SEC14L5: variants seen among roughly 807,000 people sequenced by gnomAD.
The protein encoded by SEC14L5 is SEC14-like protein 5.
A neutral mutation model predicts 84.6 loss-of-function variants in SEC14L5; 96 were observed. The ratio of observed to expected loss-of-function variants is 1.13; its 90% CI spans 0.96 to 1.34. The LOEUF (loss-of-function observed/expected upper bound fraction) is 1.34. Ranked by LOEUF, SEC14L5 falls within the 40% of genes most tolerant of loss-of-function variation. The probability of loss-of-function intolerance (pLI) is 0.00; values close to 1 mark genes in which losing one functional copy is unlikely to be tolerated. For missense variants in SEC14L5, 1,224 were observed against 942.5 expected (o/e 1.30, Z -3.91); for synonymous variants, 546 against 383.4 (o/e 1.42, Z -4.95).
intron 6 of SEC14L5, among the ~76,000 whole-genome samples, chr16:4,996,001 G>C (rs1955604551): frequency 6.6e-6 from 1 of 152,158 alleles, no homozygotes; most frequent in Admixed American, 6.5e-5. Flanking sequence ...GTGAGACCAG[G>C]TGGCTTCTGA....
chr16:4,988,248 C>T lies in SEC14L5; in HGVS notation c.313C>T (p.Arg105Cys), dbSNP rs1048164104. ...AGCGCACAATGAGACCTTCGCCAAC[C>T]GCGTGGTGGTGAACGAGCACTGCAG... The part of the protein sequence containing the change: ...IEAHNETFAN[R>C]VVVNEHCSYT... The change falls in exon 4 of 16, where the codon CGC becomes TGC. Residue 105 changes from arginine to cysteine, a missense_variant. Physicochemically the swap from Arg to Cys is radical, Grantham distance 180. Coordinates refer to ENST00000251170, the MANE Select transcript of SEC14L5 (RefSeq NM_014692.2). 1 of 1,613,800 alleles carries T rather than the reference C, an allele frequency of 6.2e-7. No homozygotes were observed. The highest frequency in any genetic ancestry group is 2.2e-5 in the East Asian group (1 of 44,874).
At chr16:5,001,755 C>T (rs1955680655) in intron 10 of SEC14L5, among the ~76,000 whole-genome samples, 1 of 152,080 alleles carries the variant, frequency 6.6e-6, no homozygotes, top group South Asian at 2.1e-4. Flanking sequence ...TGAGCAGCAG[C>T]TTCCTCTTCT....
At chr16:4,999,935 A>G (rs1362062502) in intron 8 of SEC14L5, among the ~76,000 whole-genome samples, 1 of 152,024 alleles carries the variant, frequency 6.6e-6, no homozygotes, top group Non-Finnish European at 1.5e-5. Context: ...AAATCAACCA[A>G]CTAACAAACC....
chr16:4,993,246 A>G (rs1955571590), intron 6 of SEC14L5, among the ~76,000 whole-genome samples: 1 of 151,930 alleles, frequency 6.6e-6, no homozygotes, highest in African/African-American at 2.4e-5. Context: ...TTAATTAATT[A>G]ATTAATTATT....
chr16:5,006,244 C>G (rs1955730929), intron 12 of SEC14L5, among the ~76,000 whole-genome samples, 196 bp downstream of exon 12: 1 of 152,320 alleles, frequency 6.6e-6, no homozygotes. Context: ...AGAGGTGATG[C>G]TGTTCTGAGG....
rs528538115 is a variant in SEC14L5, at chr16:5,014,744, G to A, written c.1980-115G>A. Reference sequence around the variant, plus strand: ...CGTCACTTGCTTTTCCCTTTGCATCGGCCTGGGGCCCTGGGGCCTGATTTG... The same window carrying A: ...CGTCACTTGCTTTTCCCTTTGCATCAGCCTGGGGCCCTGGGGCCTGATTTG... On this transcript the variant is annotated intron_variant, in intron 15 of 15. Transcript: ENST00000251170. 1.8e-4 allele frequency: 129 copies of A among 726,120 alleles called. 1 individual carries two copies. The highest frequency in any genetic ancestry group is 1.7e-3 in the African/African-American group (98 of 56,776). 45.0% of individuals were successfully genotyped at this position (726,120 alleles called of 1,614,324 possible).
chr16:4,987,497 T>TGGA (rs59154516), intron 2 of SEC14L5, 60 bp from the exon 3 acceptor site: 248,659 of 1,136,266 alleles, frequency 0.22, 9,162 homozygotes, highest in Admixed American at 0.24. Flanking sequence ...GAGGTCGCGC[T>TGGA]GGGGGGGGGG....
chr16:5,006,587 A>G (rs1955734611), intron 12 of SEC14L5, among the ~76,000 whole-genome samples: 1 of 152,054 alleles, frequency 6.6e-6, no homozygotes, highest in Non-Finnish European at 1.5e-5. Context: ...CAACTCTGTC[A>G]TCTCATATGG....
At position 4,983,792 on chromosome 16, in the gene SEC14L5, G is replaced by A. The variant is rs545508863; in HGVS notation, c.64-3765G>A. On this transcript the variant is annotated intron_variant, in intron 2 of 15. Coordinates refer to ENST00000251170, the MANE Select transcript of SEC14L5 (RefSeq NM_014692.2). The stretch of plus-strand genomic sequence containing the variant: ...CTTGGGAGGCTAAGGCAGGAGAATC[G>A]CTTGAACCTGGGAGGTGGAGGTTGC... 4.3e-3 allele frequency among the ~76,000 whole-genome samples: 648 copies of A among 151,778 alleles called. 6 individuals carry two copies. The highest frequency in any genetic ancestry group is 0.015 in the African/African-American group (612 of 41,406).
At chr16:4,961,165 C>T (rs550332659) in intron 2 of SEC14L5, among the ~76,000 whole-genome samples, 6 of 151,868 alleles carry the variant, frequency 4.0e-5, no homozygotes, top group African/African-American at 7.2e-5. Flanking sequence ...CCCATCTACT[C>T]GGGAGGCTGA....
intron 15 of SEC14L5, among the ~76,000 whole-genome samples, chr16:5,013,788 C>T (rs1387537242): frequency 6.6e-6 from 1 of 151,948 alleles, no homozygotes; most frequent in Non-Finnish European, 1.5e-5. Context: ...GAACTCCTGG[C>T]CTCAAGCAAT....
At chr16:4,961,130 G>A (rs139001871) in intron 2 of SEC14L5, among the ~76,000 whole-genome samples, 2,058 of 152,164 alleles carry the variant, frequency 0.014, 22 homozygotes, top group Middle Eastern at 0.027. Context: ...AAAATTAGCC[G>A]GGCGTGGTGG....
Position 4,988,216 on chromosome 16 carries a change from T to A in SEC14L5, c.281T>A (p.Leu94His). ...NILNWKERTLLIEAHNETFAN... is the reference protein window; with the variant it reads ...NILNWKERTLHIEAHNETFAN... ...TTGAACTGGAAGGAGAGGACGCTCCTCATCGAAGCGCACAATGAGACCTTC... is the reference window on the plus strand; with the variant it reads ...TTGAACTGGAAGGAGAGGACGCTCCACATCGAAGCGCACAATGAGACCTTC... Residue 94 changes from leucine (L) to histidine (H), a missense_variant, in exon 4 of 16, where the codon CTC (leucine) becomes CAC (histidine). Leu to His is a moderately conservative substitution (Grantham distance 99). Transcript: ENST00000251170. 6.2e-7 allele frequency: 1 copy of A among 1,611,780 alleles called. No individual in the cohort carries two copies. Among genetic ancestry groups the A allele is most frequent in the Non-Finnish European group, 8.5e-7 (1 of 1,178,540 alleles).
At chr16:4,985,603 A>C (rs1011093864) in intron 2 of SEC14L5, among the ~76,000 whole-genome samples, 1 of 152,148 alleles carries the variant, frequency 6.6e-6, no homozygotes, top group African/African-American at 2.4e-5. Flanking sequence ...TTTTCTCATC[A>C]GATTGTCTTG....
chr16:4,984,946 T>G (rs561711487), intron 2 of SEC14L5, among the ~76,000 whole-genome samples: 1 of 152,374 alleles, frequency 6.6e-6, no homozygotes, highest in Non-Finnish European at 1.5e-5. Context: ...TCCCCCATTT[T>G]CTACACACAC....
rs377334824 is a variant in SEC14L5, at chr16:5,007,512, C to T, written c.1572+26C>T. ...GTGCCAGGGCCTGGCCGGGGAGGGC[C>T]CGCTGAGCTGGAGTGTCTGTCGTCT... On this transcript the variant is annotated intron_variant, in intron 13 of 15. Transcript: ENST00000251170. 1.9e-6 allele frequency: 3 copies of T among 1,609,232 alleles called. No individual in the cohort carries two copies. The African/African-American group carries it at 4.0e-5, about 21-fold the overall frequency.
intron 2 of SEC14L5, among the ~76,000 whole-genome samples, chr16:4,973,680 CTTTTT>C (rs34324146): frequency 7.9e-6 from 1 of 127,106 alleles, no homozygotes. Flanking sequence ...TTCTCTGTCT[CTTTTT>C]TTTTTTTTTT....
intron 15 of SEC14L5, among the ~76,000 whole-genome samples, chr16:5,012,519 G>C (rs1381422483): frequency 6.6e-6 from 1 of 152,232 alleles, no homozygotes; most frequent in Non-Finnish European, 1.5e-5. Flanking sequence ...TCATGAAGCA[G>C]AGACCAAAGG....
At chr16:5,010,070 C>T (rs1457081969) in intron 14 of SEC14L5, among the ~76,000 whole-genome samples, 3 of 151,188 alleles carry the variant, frequency 2.0e-5, no homozygotes, top group Non-Finnish European at 2.9e-5. Flanking sequence ...GGGCCGGGTG[C>T]GGTGGCTCAT....
Sources: allele counts gnomAD v4.1 joint callset (sites outside exome capture counted in the v4.1 genomes callset), GRCh38; gene constraint gnomAD v4.1.1; transcripts MANE v1.5; gene names NCBI Gene and HGNC (gene_info 2026-07-23, HGNC 2026-07-21).